The following NXPE2 variants were observed in gnomAD, a reference collection of about 807,000 sequenced individuals.
NXPE2 encodes the protein neurexophilin and PC-esterase domain family member 2.
In NXPE2, 34 loss-of-function variants were observed where a neutral mutation model predicts 34.4. The ratio of observed to expected loss-of-function variants is 0.99; its 90% CI spans 0.75 to 1.31. NXPE2 has a LOEUF of 1.31. Among genes scored for constraint, NXPE2 ranks in the 40% most tolerant of loss-of-function variants. NXPE2 has a pLI of 0.00. For synonymous variants in NXPE2, 235 were observed against 231.3 expected (o/e 1.02, Z -0.15); for missense variants, 649 against 672.5 (o/e 0.97, Z 0.39).
the NXPE2 span, among the ~76,000 whole-genome samples, chr11:114,477,492 T>C: frequency 6.6e-6 from 1 of 152,130 alleles, no homozygotes; most frequent in Non-Finnish European, 1.5e-5. Context: ...ATTTGGCAGG[T>C]ATACCTTAAT....
the NXPE2 span, among the ~76,000 whole-genome samples, chr11:114,722,268 T>G: frequency 6.6e-6 from 1 of 152,080 alleles, no homozygotes; most frequent in Non-Finnish European, 1.5e-5. Context: ...TCTCATGAGA[T>G]CTAATGGTTT....
chr11:114,536,512 C>A, the NXPE2 span, among the ~76,000 whole-genome samples: 1 of 151,830 alleles, frequency 6.6e-6, no homozygotes, highest in Non-Finnish European at 1.5e-5. Context: ...TTGAAAAGAT[C>A]AACAAAATTG....
At chr11:114,560,359 C>T in the NXPE2 span, among the ~76,000 whole-genome samples, 3 of 149,780 alleles carry the variant, frequency 2.0e-5, no homozygotes, top group East Asian at 2.0e-4. Flanking sequence ...CAACCTCGAA[C>T]TCCTGGGCCC....
At chr11:114,477,744 T>C in the NXPE2 span, among the ~76,000 whole-genome samples, 2 of 152,180 alleles carry the variant, frequency 1.3e-5, no homozygotes, top group African/African-American at 4.8e-5. Context: ...TATAAAATTC[T>C]AGAACATGAA....
upstream of NXPE2, among the ~76,000 whole-genome samples, chr11:114,676,247 G>C (rs1950856843): frequency 6.6e-6 from 1 of 151,782 alleles, no homozygotes; most frequent in Non-Finnish European, 1.5e-5. Flanking sequence ...ACAAAAAATA[G>C]ACAAAATGAG....
At chr11:114,567,068 C>T in the NXPE2 span, among the ~76,000 whole-genome samples, 9 of 152,092 alleles carry the variant, frequency 5.9e-5, no homozygotes, top group Non-Finnish European at 1.0e-4. Flanking sequence ...TTCTGGTGGC[C>T]GTGCAGTAGG....
At chr11:114,571,542 T>C in the NXPE2 span, 12 of 1,336,290 alleles carry the variant, frequency 9.0e-6, no homozygotes, top group African/African-American at 1.5e-5. Context: ...GATATAAAGA[T>C]GGAAGAGATT....
the NXPE2 span, among the ~76,000 whole-genome samples, chr11:114,503,003 GT>G: frequency 6.6e-6 from 1 of 152,158 alleles, no homozygotes; most frequent in African/African-American, 2.4e-5. Context: ...CCCAGATAAA[GT>G]GGTCTTGGCA....
the NXPE2 span, among the ~76,000 whole-genome samples, chr11:114,537,666 G>T: frequency 6.6e-6 from 1 of 152,080 alleles, no homozygotes; most frequent in Non-Finnish European, 1.5e-5. Flanking sequence ...AATCATGAGT[G>T]AACTCCCATT....
the NXPE2 span, among the ~76,000 whole-genome samples, chr11:114,616,506 G>A: frequency 2.0e-5 from 3 of 151,778 alleles, no homozygotes; most frequent in South Asian, 6.2e-4. Flanking sequence ...TTAACCGGTG[G>A]ATAATATGTA....
the NXPE2 span, among the ~76,000 whole-genome samples, chr11:114,490,597 G>A: frequency 6.6e-6 from 1 of 152,170 alleles, no homozygotes; most frequent in Non-Finnish European, 1.5e-5. Flanking sequence ...AACAAGCGAT[G>A]GGGAAAGGAT....
the NXPE2 span, among the ~76,000 whole-genome samples, chr11:114,535,931 C>A: frequency 3.3e-5 from 5 of 152,136 alleles, no homozygotes; most frequent in Non-Finnish European, 7.3e-5. Flanking sequence ...ACCAAGCAGA[C>A]CTAATAGACA....
the NXPE2 span, among the ~76,000 whole-genome samples, chr11:114,594,241 C>T: frequency 6.6e-6 from 1 of 152,014 alleles, no homozygotes; most frequent in African/African-American, 2.4e-5. Flanking sequence ...CCCCATTTAC[C>T]CTGATATGAT....
the NXPE2 span, among the ~76,000 whole-genome samples, chr11:114,795,782 A>AATG: frequency 6.6e-6 from 1 of 152,248 alleles, no homozygotes; most frequent in Non-Finnish European, 1.5e-5. Flanking sequence ...GAAAGACTGC[A>AATG]ATGATAGCAC....
At chr11:114,577,544 T>C in the NXPE2 span, among the ~76,000 whole-genome samples, 2 of 152,028 alleles carry the variant, frequency 1.3e-5, no homozygotes, top group African/African-American at 4.8e-5. Flanking sequence ...CAAAAACCTA[T>C]TGAAATAAAA....
At chr11:114,690,331 C>G (rs1247753474) in intron 2 of NXPE2, among the ~76,000 whole-genome samples, 1 of 152,122 alleles carries the variant, frequency 6.6e-6, no homozygotes, top group Admixed American at 6.5e-5. Flanking sequence ...CTGGAAAATA[C>G]TTCATTTCTC....
chr11:114,591,943 C>T, the NXPE2 span, among the ~76,000 whole-genome samples: 1 of 152,124 alleles, frequency 6.6e-6, no homozygotes, highest in Non-Finnish European at 1.5e-5. Flanking sequence ...ATATAATCAT[C>T]TCAATAGAAA....
the NXPE2 span, among the ~76,000 whole-genome samples, chr11:114,758,826 A>C: frequency 5.4e-5 from 8 of 147,988 alleles, no homozygotes; most frequent in African/African-American, 1.7e-4. Context: ...TATATTTTCT[A>C]TATATATTTT....
the NXPE2 span, among the ~76,000 whole-genome samples, chr11:114,517,504 TC>T: frequency 2.0e-5 from 3 of 152,246 alleles, no homozygotes; most frequent in African/African-American, 7.2e-5. Flanking sequence ...ATGTGCTGTG[TC>T]CCTTTTTTAT....
Sources: gnomAD v4.1 joint callset for allele counts (sites outside exome capture counted in the v4.1 genomes callset) on GRCh38, gnomAD v4.1.1 for gene constraint, MANE v1.5 for transcripts, NCBI Gene and HGNC (gene_info 2026-07-23, HGNC 2026-07-21) for gene names.